SLC22A9: variants seen among roughly 807,000 people sequenced by gnomAD.
SLC22A9 encodes the protein organic anion transporter 7.
A neutral mutation model predicts 50.1 loss-of-function variants in SLC22A9; 64 were observed. The ratio of observed to expected loss-of-function variants is 1.28; its 90% CI spans 1.04 to 1.57. SLC22A9 has a LOEUF of 1.57. Ranked by LOEUF, SLC22A9 falls within the 40% of genes most tolerant of loss-of-function variation. The pLI, the probability that SLC22A9 is intolerant of heterozygous loss-of-function variation, is 0.00. For synonymous variants in SLC22A9, 261 were observed against 242.5 expected, an observed-to-expected ratio of 1.08 and a Z score of -0.71; for missense variants, 757 against 676.1, an observed-to-expected ratio of 1.12 and a Z score of -1.33.
chr11:63,403,760 C>T (rs76904757), intron 6 of SLC22A9, among the ~76,000 whole-genome samples: 2,606 of 151,538 alleles, frequency 0.017, 68 homozygotes, highest in African/African-American at 0.056. Context: ...GGATTAAACA[C>T]GTAAAAAATG....
intron 6 of SLC22A9, among the ~76,000 whole-genome samples, chr11:63,388,143 A>G (rs1057103884): frequency 1.3e-5 from 2 of 152,126 alleles, no homozygotes; most frequent in Non-Finnish European, 2.9e-5. Flanking sequence ...GAGTTTTCCA[A>G]TTTGAATGTC....
chr11:63,392,078 CAAAT>C (rs1350241949), intron 6 of SLC22A9, among the ~76,000 whole-genome samples: 1 of 152,006 alleles, frequency 6.6e-6, no homozygotes, highest in African/African-American at 2.4e-5. Flanking sequence ...CATAAACAAA[CAAAT>C]AAGGAAAGAG....
At chr11:63,395,729 A>G (rs1432878448) in intron 6 of SLC22A9, among the ~76,000 whole-genome samples, 4 of 152,118 alleles carry the variant, frequency 2.6e-5, no homozygotes, top group Non-Finnish European at 4.4e-5. Flanking sequence ...AGAGAACATC[A>G]GCTGTGGAGA....
At chr11:63,374,468 C>T (rs933387499) in intron 4 of SLC22A9, among the ~76,000 whole-genome samples, 1 of 151,988 alleles carries the variant, frequency 6.6e-6, no homozygotes, top group Non-Finnish European at 1.5e-5. Context: ...CAAAATATTG[C>T]ATGAGACATG....
intron 6 of SLC22A9, among the ~76,000 whole-genome samples, chr11:63,384,753 A>C (rs2014630456): frequency 6.6e-6 from 1 of 152,152 alleles, no homozygotes; most frequent in African/African-American, 2.4e-5. Context: ...TTACCTTCCC[A>C]CCAACAGTGT....
At chr11:63,409,748 T>C in intron 9 of SLC22A9, 54 bp from the exon 10 acceptor site, 1 of 1,542,300 alleles carries the variant, frequency 6.5e-7, no homozygotes, top group Non-Finnish European at 8.9e-7. Context: ...ACATGTTTAG[T>C]CCATGTCTTT....
chr11:63,408,744 T>C lies in SLC22A9; in HGVS notation c.1466T>C (p.Ile489Thr), dbSNP rs371194548. 264 of 1,613,948 alleles carry C rather than the reference T, an allele frequency of 1.6e-4. No homozygotes were observed. In the South Asian group the frequency reaches 2.7e-3, roughly 16 times the overall value. ...GGAGCCCTGGCTCCCCTCATGATGATCCTAAGTGTGTATTCTCCACCCCTG... is the reference window on the plus strand; with the variant it reads ...GGAGCCCTGGCTCCCCTCATGATGACCCTAAGTGTGTATTCTCCACCCCTG... ...IAGALAPLMM[I>T]LSVYSPPLPW... The change falls in exon 9 of 10, where the codon ATC (isoleucine) becomes ACC (threonine). Residue 489 changes from isoleucine (I) to threonine (T), a missense_variant. Transcript: ENST00000279178.
In SLC22A9 at chr11:63,369,927, G is replaced by C; in HGVS notation, c.-130G>C. The C allele has an allele frequency of 1.1e-6, 1 of 937,430 alleles. No homozygotes were observed. The highest frequency in any genetic ancestry group is 1.6e-6 in the Non-Finnish European group (1 of 643,558). The allele number at this position is 937,430 out of a possible 1,614,324, so 58.1% of individuals were successfully genotyped here. A position where few individuals can be genotyped will look rare whatever the true frequency, so the allele number is the denominator to read the frequency against. On this transcript the variant is annotated 5_prime_UTR_variant, in exon 1 of 10. Coordinates refer to ENST00000279178, the MANE Select transcript of SLC22A9 (RefSeq NM_080866.3). The stretch of plus-strand genomic sequence containing the variant: ...CCTGCTGCAGAGGGGAAGCACAGTC[G>C]TCAAGAAGAGAGTGGGGTCAGGATC...
rs899576254 is a variant in SLC22A9, at chr11:63,375,684, T to C, written c.870T>C (p.Asn290=). ...LESARWLIIN[N]KPEEGLKELR... ...CTGCTCGGTGGCTCATTATCAACAATAAACCAGAGGAAGGCTTAAAGGAAC... is the reference window on the plus strand; with the variant it reads ...CTGCTCGGTGGCTCATTATCAACAACAAACCAGAGGAAGGCTTAAAGGAAC... Residue 290 remains asparagine, a synonymous_variant, in exon 5 of 10, where the codon AAT becomes AAC. Transcript: ENST00000279178. The C allele has an allele frequency of 3.1e-6, 5 of 1,612,668 alleles. No homozygotes were observed. The highest frequency in any genetic ancestry group is 4.2e-6 in the Non-Finnish European group (5 of 1,179,088).
At chr11:63,394,945 AT>A (rs1232085558) in intron 6 of SLC22A9, among the ~76,000 whole-genome samples, 1 of 149,212 alleles carries the variant, frequency 6.7e-6, no homozygotes, top group Non-Finnish European at 1.5e-5. Flanking sequence ...TCATTTATTT[AT>A]TTTTTTGTCT....
intron 5 of SLC22A9, among the ~76,000 whole-genome samples, chr11:63,380,677 T>C (rs2014544539): frequency 6.6e-6 from 1 of 152,008 alleles, no homozygotes; most frequent in South Asian, 2.1e-4. Flanking sequence ...AAGAGAACAA[T>C]AGACACCAGA....
At chr11:63,375,890 A>T (rs1361578720) in intron 5 of SLC22A9, 122 bp downstream of exon 5, 1 of 1,232,884 alleles carries the variant, frequency 8.1e-7, no homozygotes, top group Admixed American at 2.5e-5. Context: ...TATGGGCTGT[A>T]TCACCTCACT....
At chr11:63,388,345 T>C (rs554711755) in intron 6 of SLC22A9, among the ~76,000 whole-genome samples, 4 of 152,002 alleles carry the variant, frequency 2.6e-5, no homozygotes, top group Admixed American at 6.5e-5. Context: ...TGTTCTTCTA[T>C]GCCCAGTTTT....
chr11:63,382,833 A>G (rs968956449), intron 6 of SLC22A9, among the ~76,000 whole-genome samples: 1 of 152,198 alleles, frequency 6.6e-6, no homozygotes, highest in African/African-American at 2.4e-5. Context: ...ATGTTGTAAA[A>G]CAATAGATGA....
chr11:63,372,933 A>G, intron 2 of SLC22A9, among the ~76,000 whole-genome samples: 1 of 152,044 alleles, frequency 6.6e-6, no homozygotes, highest in East Asian at 1.9e-4. Context: ...GAATAGTTCA[A>G]ATCACTAATG....
chr11:63,376,657 T>C (rs1429250934), intron 5 of SLC22A9, among the ~76,000 whole-genome samples: 1 of 151,900 alleles, frequency 6.6e-6, no homozygotes, highest in African/African-American at 2.4e-5. Flanking sequence ...TCCCATTTTA[T>C]TGAAAAAGGA....
chr11:63,380,625 A>G lies in SLC22A9; in HGVS notation c.955-1534A>G, dbSNP rs2014543631. ...ATGTTCTCACTTATATATAGGAGCT[A>G]AACATTGGTCCAAATGGAGATTTGT... is the stretch of plus-strand genomic sequence containing the variant. On this transcript the variant is annotated intron_variant, in intron 5 of 9. Transcript: ENST00000279178. Among the ~76,000 whole-genome samples, 5 of 152,152 alleles carry G rather than the reference A, an allele frequency of 3.3e-5. No homozygotes were observed. The South Asian group carries it at 1.0e-3, about 32-fold the overall frequency.
In SLC22A9 at chr11:63,409,901, GA is replaced by G. The variant is rs1011615620; in HGVS notation, c.*41del. 1 of 1,606,554 alleles carries G rather than the reference GA, an allele frequency of 6.2e-7. No homozygotes were observed. The highest frequency in any genetic ancestry group is 8.5e-7 in the Non-Finnish European group (1 of 1,173,712). The stretch of plus-strand genomic sequence containing the variant: ...CTGACTGCCGATCAATGAGCCAGAT[GA>G]AGGGAACAATCAGGACTATTCCTAG... On this transcript the variant is annotated 3_prime_UTR_variant, in exon 10 of 10. Coordinates refer to ENST00000279178, the MANE Select transcript of SLC22A9 (RefSeq NM_080866.3).
In SLC22A9 at chr11:63,380,557, T is replaced by C. The variant is rs377513530; in HGVS notation, c.955-1602T>C. On this transcript the variant is annotated intron_variant, in intron 5 of 9. Transcript: ENST00000279178. ...CAACATGGATAGAGATGGAGTTCAT[T>C]ATCCTAAGCCAATTAATGCAGGAAA... Among the ~76,000 whole-genome samples, 44 of 152,284 alleles carry C rather than the reference T, an allele frequency of 2.9e-4. 3 individuals are homozygous for C. The highest frequency in any genetic ancestry group is 2.3e-3 in the East Asian group (12 of 5,176).
Sources: gnomAD v4.1 joint callset for allele counts (sites outside exome capture counted in the v4.1 genomes callset) on GRCh38, gnomAD v4.1.1 for gene constraint, MANE v1.5 for transcripts, NCBI Gene and HGNC (gene_info 2026-07-23, HGNC 2026-07-21) for gene names.